TIAM2: variants seen among roughly 807,000 people sequenced by gnomAD.
TIAM2 encodes the protein TIAM Rac1 associated GEF 2, also known as rho guanine nucleotide exchange factor TIAM2.
TIAM2 carries 80 observed loss-of-function variants against 152.9 expected under a neutral mutation model. That is an observed-to-expected ratio of 0.52 (90% CI 0.44 to 0.63). The LOEUF is 0.63. Among genes scored for constraint, TIAM2 ranks in the 30% least tolerant of loss-of-function variants. The probability of loss-of-function intolerance (pLI) is 0.00; values close to 1 mark genes in which losing one functional copy is unlikely to be tolerated. For synonymous variants in TIAM2, 804 were observed against 838.0 expected (o/e 0.96, Z 0.70); for missense variants, 1,965 against 2,120.1 (o/e 0.93, Z 1.44).
chr6:155,072,144 A>G lies in TIAM2; in HGVS notation c.-208-18145A>G, dbSNP rs117242032. Among the ~76,000 whole-genome samples, 535 of 152,302 alleles carry G rather than the reference A, an allele frequency of 3.5e-3. 1 individual carries two copies. The highest frequency in any genetic ancestry group is 5.4e-3 in the Non-Finnish European group (364 of 68,022). ...GAGGACAGGAGCTGGAAAGGTCAGT[A>G]GAGTTTTGTATGTCATGCAAAGAAG... On this transcript the variant is annotated intron_variant, in intron 1 of 26. Transcript: ENST00000682666.
At chr6:155,199,540 A>G (rs751183329) in intron 14 of TIAM2, among the ~76,000 whole-genome samples, 1 of 152,230 alleles carries the variant, frequency 6.6e-6, no homozygotes, top group African/African-American at 2.4e-5. Context: ...GCAGGTTACT[A>G]TAACTATTTT....
rs1777677914 is a variant in TIAM2 at position 155,065,681 on chromosome 6, T to C, written c.-208-24608T>C. Among the ~76,000 whole-genome samples, 4 of 152,090 alleles carry C rather than the reference T, an allele frequency of 2.6e-5. No individual in the cohort carries two copies. The South Asian group carries it at 8.3e-4, about 32-fold the overall frequency. On this transcript the variant is annotated intron_variant, in intron 1 of 26. Coordinates refer to ENST00000682666, the MANE Select transcript of TIAM2 (RefSeq NM_012454.4). ...GCCAGCTCCATGGGAGGCTGAGGCA[T>C]GAGCCTAAACCTGGGAAGTGGAGGT...
Position 155,245,625 on chromosome 6 carries a change from A to G in TIAM2, c.3546A>G (p.Lys1182=). The change falls in exon 19 of 27, where the codon AAA becomes AAG. Residue 1182 remains lysine, a splice_region_variant and synonymous_variant. Coordinates refer to ENST00000682666, the MANE Select transcript of TIAM2 (RefSeq NM_012454.4). ...NTLETPSQFR[K]LLFSLGGSFL... ...GACTTTCCCCTCTGCCCTTCTAGAA[A>G]TTACTGTTTTCCCTTGGAGGCTCTT... 6.2e-7 allele frequency: 1 copy of G among 1,613,478 alleles called. No homozygotes were observed. The highest frequency in any genetic ancestry group is 1.1e-5 in the South Asian group (1 of 91,056).
At chr6:155,250,807 G>T in intron 21 of TIAM2, 106 bp from the exon 22 acceptor site, 1 of 1,276,498 alleles carries the variant, frequency 7.8e-7, no homozygotes, top group East Asian at 2.3e-5. Context: ...AATTAAACCA[G>T]CTGTGCTTGC....
intron 14 of TIAM2, among the ~76,000 whole-genome samples, chr6:155,192,037 G>A (rs759008395): frequency 6.6e-6 from 1 of 152,168 alleles, no homozygotes; most frequent in South Asian, 2.1e-4. Flanking sequence ...CATGGATTAT[G>A]TGGGGGGCCC....
At chr6:155,167,039 C>A (rs1485237705) in intron 9 of TIAM2, among the ~76,000 whole-genome samples, 1 of 151,896 alleles carries the variant, frequency 6.6e-6, no homozygotes, top group African/African-American at 2.4e-5. Context: ...AGTAAAAGGG[C>A]CAGTATCAGT....
At chr6:155,241,345 GC>G (rs1393187707) in intron 16 of TIAM2, among the ~76,000 whole-genome samples, 1 of 152,188 alleles carries the variant, frequency 6.6e-6, no homozygotes, top group East Asian at 1.9e-4. Flanking sequence ...GTTTCCTGGA[GC>G]TTTGGTACCA....
In TIAM2 at chr6:155,226,521, T is replaced by C. The variant is rs184888499; in HGVS notation, c.3169-14009T>C. Among the ~76,000 whole-genome samples, 452 of 152,030 alleles carry C rather than the reference T, an allele frequency of 3.0e-3. 3 individuals are homozygous for C. Among genetic ancestry groups the C allele is most frequent in the Non-Finnish European group, 4.5e-3 (307 of 67,978 alleles). On this transcript the variant is annotated intron_variant, in intron 15 of 26. Transcript: ENST00000682666. ...CCCATCTCTACTAAAAAAAATTAGC[T>C]GGGTATGGTGGTGCACGCCTGTAAT...
Position 155,179,476 on chromosome 6 carries a change from C to G in TIAM2, c.2707+20C>G, listed in dbSNP as rs1314431297. Reference sequence around the variant, plus strand: ...ACTTTGGTGAGTGTAAGGAATGCCCCTTTCAGGGAATTGTGTTGTTCATCT... The same window carrying G: ...ACTTTGGTGAGTGTAAGGAATGCCCGTTTCAGGGAATTGTGTTGTTCATCT... On this transcript the variant is annotated intron_variant, in intron 12 of 26. Transcript: ENST00000682666. The G allele has an allele frequency of 5.5e-5, 87 of 1,585,082 alleles. No individual in the cohort carries two copies. The highest frequency in any genetic ancestry group is 7.2e-5 in the Non-Finnish European group (84 of 1,168,310).
chr6:155,017,502 T>TTG (rs1778612189), intron 1 of TIAM2, among the ~76,000 whole-genome samples: 1 of 83,646 alleles, frequency 1.2e-5, no homozygotes, highest in Non-Finnish European at 2.2e-5. Flanking sequence ...CTACTCCATT[T>TTG]TGTCTTTTTT....
In TIAM2 at chr6:155,129,771, C is replaced by G. The variant is rs747792130; in HGVS notation, c.548C>G (p.Pro183Arg). ...GTCGAGTTCCACAATGGTGGCAACC[C>G]CAGCAAAGTGCCTGCAGAGGACTGC... ...LRVEFHNGGNPSKVPAEDCSE... is the reference protein window; with the variant it reads ...LRVEFHNGGNRSKVPAEDCSE... The change falls in exon 4 of 27, where the codon CCC becomes CGC. Residue 183 changes from proline to arginine, a missense_variant. By Grantham distance (103) the Pro-to-Arg change is moderately radical (BLOSUM62 -2). Coordinates refer to ENST00000682666, the MANE Select transcript of TIAM2 (RefSeq NM_012454.4). The surrounding 1 kb of genome is among the most constrained non-coding windows in gnomAD (Gnocchi z 4.8). The G allele has an allele frequency of 8.1e-6, 13 of 1,613,758 alleles. No individual in the cohort carries two copies. The highest frequency in any genetic ancestry group is 9.3e-6 in the Non-Finnish European group (11 of 1,180,042).
intron 16 of TIAM2, 95 bp from the exon 17 acceptor site, chr6:155,243,916 A>G: frequency 1.5e-6 from 1 of 685,666 alleles, no homozygotes; most frequent in East Asian, 3.9e-5. Flanking sequence ...TCCTGATGGG[A>G]GCCTTGGGAG....
At chr6:155,029,815 A>G (rs1055459594) in intron 1 of TIAM2, among the ~76,000 whole-genome samples, 1 of 149,982 alleles carries the variant, frequency 6.7e-6, no homozygotes, top group Non-Finnish European at 1.5e-5. Context: ...TTTTTCTGAG[A>G]CAGGGTCTCA....
At chr6:155,220,014 A>G (rs1222164967) in intron 15 of TIAM2, among the ~76,000 whole-genome samples, 1 of 152,272 alleles carries the variant, frequency 6.6e-6, no homozygotes, top group African/African-American at 2.4e-5. Context: ...GGCAGTGGGA[A>G]GAAACTTGCT....
intron 20 of TIAM2, among the ~76,000 whole-genome samples, chr6:155,248,504 G>A (rs3011905): frequency 2.0e-5 from 3 of 152,056 alleles, no homozygotes; most frequent in African/African-American, 7.2e-5. Context: ...AAACAGTGCC[G>A]CTGGAACTGA....
intron 2 of TIAM2, among the ~76,000 whole-genome samples, chr6:155,106,627 A>G (rs890693794): frequency 6.6e-6 from 1 of 152,228 alleles, no homozygotes; most frequent in Non-Finnish European, 1.5e-5. Context: ...TGGAGGCAGA[A>G]TGTTTACTAC....
intron 1 of TIAM2, among the ~76,000 whole-genome samples, chr6:155,053,172 A>G (rs1777357965): frequency 1.3e-5 from 2 of 152,256 alleles, no homozygotes; most frequent in Admixed American, 6.5e-5. Context: ...GAAAGTTTAG[A>G]TAGTAAGAAT....
At position 155,156,342 on chromosome 6, in the gene TIAM2, CA is replaced by C. The variant is rs754965967; in HGVS notation, c.2028+8009del. On this transcript the variant is annotated intron_variant, in intron 7 of 26. Coordinates refer to ENST00000682666, the MANE Select transcript of TIAM2 (RefSeq NM_012454.4). This position sits in a 1 kb window ranked among gnomAD's most constrained non-coding sequence, Gnocchi z 4.4. ...TCTGATGCATCTTCCATACAACAGC[CA>C]GACTGGGTTGCATCGGAAAAGCACA... 6.6e-6 allele frequency among the ~76,000 whole-genome samples: 1 copy of C among 152,128 alleles called. No homozygotes were observed. Among genetic ancestry groups the C allele is most frequent in the Non-Finnish European group, 1.5e-5 (1 of 68,024 alleles).
chr6:155,252,622 C>A (rs555941616), intron 23 of TIAM2, among the ~76,000 whole-genome samples: 16 of 152,192 alleles, frequency 1.1e-4, no homozygotes, highest in Non-Finnish European at 2.4e-4. Flanking sequence ...TACCTTCACT[C>A]AGAAAAAAGC....
Sources: allele counts gnomAD v4.1 joint callset (sites outside exome capture counted in the v4.1 genomes callset), GRCh38; gene constraint gnomAD v4.1.1; non-coding constraint Gnocchi (gnomAD v3.1); transcripts MANE v1.5; gene names NCBI Gene and HGNC (gene_info 2026-07-23, HGNC 2026-07-21).